FANCA: variants seen among roughly 807,000 people sequenced by gnomAD.
FANCA encodes the protein FA complementation group A.
In FANCA, 236 loss-of-function variants were observed where a neutral mutation model predicts 194.3. The ratio of observed to expected loss-of-function variants is 1.21; its 90% confidence interval spans 1.09 to 1.35. FANCA has a LOEUF of 1.35. FANCA is among the 40% of genes most tolerant of loss of function. The pLI is 0.00. For missense variants in FANCA, 2,628 were observed against 1,813.9 expected (o/e 1.45, Z -8.15); for synonymous variants, 1,014 against 715.8 (o/e 1.42, Z -6.65).
At chr16:89,807,612 C>T (rs1428767346) in intron 6 of FANCA, among the ~76,000 whole-genome samples, 1 of 151,962 alleles carries the variant, frequency 6.6e-6, no homozygotes, top group Non-Finnish European at 1.5e-5. Flanking sequence ...TTGCCAGGCA[C>T]AGTGGTTCAT....
At chr16:89,767,830 G>A (rs1010373799) in intron 26 of FANCA, among the ~76,000 whole-genome samples, 2 of 152,150 alleles carry the variant, frequency 1.3e-5, no homozygotes, top group African/African-American at 2.4e-5. Flanking sequence ...TTACAGGCAT[G>A]AGTCACTGCA....
rs1202566985 is a variant in FANCA, at chr16:89,738,232, C to T, written c.*369G>A. 29 of 1,604,610 alleles carry T rather than the reference C, an allele frequency of 1.8e-5. No homozygotes were observed. The highest frequency in any genetic ancestry group is 2.4e-5 in the Non-Finnish European group (28 of 1,176,286). On this transcript the variant is annotated 3_prime_UTR_variant, in exon 43 of 43. Transcript: ENST00000389301. ...GACCACAGAGGGCCAGGCGGTGAAG[C>T]CCGAACCCACCTGAGGACGGCAGTG...
intron 28 of FANCA, among the ~76,000 whole-genome samples, chr16:89,764,013 G>C (rs750271925): frequency 1.3e-5 from 2 of 152,190 alleles, no homozygotes; most frequent in Admixed American, 6.5e-5. Flanking sequence ...AGGCCAAGGC[G>C]TGTGGGTAAT....
chr16:89,752,192 A>C lies in FANCA; in HGVS notation c.3012T>G (p.Ser1004=). ...SSRSYDHSEN[S]DLVFGGRTGN... ...CTGTGCGGCCACCAAAGACCAAATC[A>C]GAATTTTCTGAGTGGTCATAACTCC... Residue 1004 remains serine (S), a synonymous_variant, in exon 31 of 43, where the codon TCT becomes TCG. Transcript: ENST00000389301. 1 of 1,614,174 alleles carries C rather than the reference A, an allele frequency of 6.2e-7. No homozygotes were observed. The highest frequency in any genetic ancestry group is 8.5e-7 in the Non-Finnish European group (1 of 1,180,010).
chr16:89,737,713 C>T lies in FANCA; in HGVS notation c.*888G>A, dbSNP rs2061986037. The T allele has an allele frequency of 3.8e-6, 6 of 1,592,106 alleles. No homozygotes were observed. In the African/African-American group the frequency reaches 4.0e-5, roughly 11 times the overall value. ...CATGGTGAACCATGTGCAGAAATGT[C>T]TTCCCAGCTGTGATGGTTTCACATT... On this transcript the variant is annotated 3_prime_UTR_variant, in exon 43 of 43. Transcript: ENST00000389301.
rs1284727333 is a variant in FANCA, at chr16:89,811,046, T to C, written c.309A>G (p.Ser103=). Residue 103 remains serine (S), a synonymous_variant, in exon 4 of 43, where the codon TCA becomes TCG. Coordinates refer to ENST00000389301, the MANE Select transcript of FANCA (RefSeq NM_000135.4). ...FIGSALQDQA[S]RLGVPVGILS... Reference sequence around the variant, plus strand: ...GAATACCCACGGGAACCCCCAGCCTTGAGGCTTGATCCTGCAAAGCAGAGC... The same window carrying C: ...GAATACCCACGGGAACCCCCAGCCTCGAGGCTTGATCCTGCAAAGCAGAGC... 1 of 1,614,052 alleles carries C rather than the reference T, an allele frequency of 6.2e-7. No individual in the cohort carries two copies. Among genetic ancestry groups the C allele is most frequent in the Admixed American group, 1.7e-5 (1 of 60,022 alleles).
chr16:89,771,981 T>C (rs898365893), intron 22 of FANCA, among the ~76,000 whole-genome samples, 167 bp from the exon 23 acceptor site: 12 of 152,226 alleles, frequency 7.9e-5, no homozygotes, highest in African/African-American at 2.9e-4. Flanking sequence ...CCCGCAGGAT[T>C]TGCAGCCTTG....
Position 89,805,378 on chromosome 16 carries a change from T to C in FANCA, c.611A>G (p.His204Arg). Residue 204 changes from histidine to arginine, a missense_variant, in exon 7 of 43, where the codon CAT becomes CGT. Physicochemically the swap from His to Arg is conservative, Grantham distance 29. Coordinates refer to ENST00000389301, the MANE Select transcript of FANCA (RefSeq NM_000135.4). The stretch of plus-strand genomic sequence containing the variant: ...CCTGAAGAGCCACGATCCCACAGCA[T>C]GCATGTCGGGATGGCTGGAGACACA... Reference protein sequence around the residue: ...QELLESHPDMHAVGSWLFRNL... With the variant: ...QELLESHPDMRAVGSWLFRNL... 2.5e-6 allele frequency: 4 copies of C among 1,613,468 alleles called. No individual in the cohort carries two copies. Among genetic ancestry groups the C allele is most frequent in the South Asian group, 1.1e-5 (1 of 91,044 alleles).
At chr16:89,774,728 T>TAAAAAAAAAAA (rs2039439017) in intron 21 of FANCA, among the ~76,000 whole-genome samples, 1 of 2,326 alleles carries the variant, frequency 4.3e-4, no homozygotes, top group Non-Finnish European at 2.0e-3. Flanking sequence ...AGACTCTGTC[T>TAAAAAAAAAAA]CAAAAAAAAA....
chr16:89,799,868 C>G (rs1193545614), intron 8 of FANCA, among the ~76,000 whole-genome samples: 1 of 152,196 alleles, frequency 6.6e-6, no homozygotes, highest in African/African-American at 2.4e-5. Flanking sequence ...TGGCGGACGC[C>G]CTGTAGTCTC....
chr16:89,778,872 G>A (rs756467778), intron 19 of FANCA, 22 bp from the exon 20 acceptor site: 2 of 1,612,350 alleles, frequency 1.2e-6, no homozygotes, highest in Non-Finnish European at 1.7e-6. Flanking sequence ...GAAGAGACCT[G>A]TGAGAGACTG....
chr16:89,760,676 G>C lies in FANCA; in HGVS notation c.2852+1273C>G, dbSNP rs1204068429. Among the ~76,000 whole-genome samples, 5 of 152,272 alleles carry C rather than the reference G, an allele frequency of 3.3e-5. No individual in the cohort carries two copies. The East Asian group carries it at 9.6e-4, about 29-fold the overall frequency. ...TCTCAAATAGTCTCAAATGGTCTCA[G>C]TCATCAGCCCTGGGACTCATGGGGG... On this transcript the variant is annotated intron_variant, in intron 29 of 42. Coordinates refer to ENST00000389301, the MANE Select transcript of FANCA (RefSeq NM_000135.4).
At chr16:89,791,292 A>C (rs8049660) in intron 14 of FANCA, 111 bp downstream of exon 14, 1 of 1,433,892 alleles carries the variant, frequency 7.0e-7, no homozygotes, top group South Asian at 1.2e-5. Flanking sequence ...CAAAGCTGAC[A>C]GCAAGGTTGC....
Position 89,746,663 on chromosome 16 carries a change from C to T in FANCA, c.3434G>A (p.Ser1145Asn), listed in dbSNP as rs375630115. The change falls in exon 35 of 43, where the codon AGC (serine) becomes AAC (asparagine). Residue 1145 changes from serine (S) to asparagine (N), a missense_variant. Transcript: ENST00000389301. ...FRGLLNACLRSRDPSLMVDFI... is the reference protein window; with the variant it reads ...FRGLLNACLRNRDPSLMVDFI... ...GTCGACCATCAGGGAGGGGTCTCTG[C>T]TCCGCAGACAGGCGTTCAGGAGGCC... 4.3e-6 allele frequency: 7 copies of T among 1,614,090 alleles called. No individual in the cohort carries two copies. In the African/African-American group the frequency reaches 9.3e-5, roughly 22 times the overall value.
At position 89,738,535 on chromosome 16, in the gene FANCA, C is replaced by G. The variant is rs1285336718; in HGVS notation, c.*66G>C. ...AATCCACTTTTTAGTGCAACAAGAG[C>G]TCCATGTTATGCTTGTAATAAATTA... On this transcript the variant is annotated 3_prime_UTR_variant, in exon 43 of 43. Transcript: ENST00000389301. 6.2e-7 allele frequency: 1 copy of G among 1,605,844 alleles called. No individual in the cohort carries two copies. The highest frequency in any genetic ancestry group is 2.2e-5 in the East Asian group (1 of 44,870).
chr16:89,779,741 T>C (rs2039636993), intron 18 of FANCA, 128 bp downstream of exon 18: 2 of 802,258 alleles, frequency 2.5e-6, no homozygotes, highest in Non-Finnish European at 4.3e-6. Flanking sequence ...CCCCAGACGC[T>C]GGCAGGCATC....
rs759716091 is a variant in FANCA, at chr16:89,810,689, T to C, written c.522+18A>G. 2 of 1,498,636 alleles carry C rather than the reference T, an allele frequency of 1.3e-6. No individual in the cohort carries two copies. Among genetic ancestry groups the C allele is most frequent in the Non-Finnish European group, 1.9e-6 (2 of 1,075,486 alleles). 92.8% of individuals were successfully genotyped at this position (1,498,636 alleles called of 1,614,324 possible). A position where few individuals can be genotyped will look rare whatever the true frequency, so the allele number is the denominator to read the frequency against. On this transcript the variant is annotated intron_variant, in intron 5 of 42. Coordinates refer to ENST00000389301, the MANE Select transcript of FANCA (RefSeq NM_000135.4). ...TGCCTGGAACACTGGAGAGTCAGAT[T>C]TGCAATCTCAAATTTACCTGTATTT...
intron 8 of FANCA, 59 bp from the exon 9 acceptor site, chr16:89,799,697 T>G: frequency 7.5e-7 from 1 of 1,326,286 alleles, no homozygotes; most frequent in Non-Finnish European, 1.1e-6. Flanking sequence ...GTGTGATACC[T>G]GCATCACACA....
At chr16:89,751,988 T>C (rs1260016966) in intron 31 of FANCA, 150 bp downstream of exon 31, 1 of 768,208 alleles carries the variant, frequency 1.3e-6, no homozygotes. Context: ...GCCAGCATGG[T>C]CTCGATCTCC....
Sources: gnomAD v4.1 joint callset for allele counts (sites outside exome capture counted in the v4.1 genomes callset) on GRCh38, gnomAD v4.1.1 for gene constraint, MANE v1.5 for transcripts, NCBI Gene and HGNC (gene_info 2026-07-23, HGNC 2026-07-21) for gene names.